CADPS: variants seen among roughly 807,000 people sequenced by gnomAD.
CADPS encodes the protein calcium-dependent secretion activator 1.
CADPS carries 57 observed loss-of-function variants against 167.3 expected under a neutral mutation model. That is an observed-to-expected ratio of 0.34 (90% CI 0.28 to 0.42). The LOEUF (loss-of-function observed/expected upper bound fraction) is 0.42. Ranked by LOEUF, CADPS falls within the 20% of genes least tolerant of loss-of-function variation. The probability of loss-of-function intolerance (pLI) is 1.00; values close to 1 mark genes in which losing one functional copy is unlikely to be tolerated. For synonymous variants in CADPS, 676 were observed against 635.3 expected (o/e 1.06, Z -0.96); for missense variants, 1,414 against 1,738.1 (o/e 0.81, Z 3.32).
At chr3:62,716,206 C>A (rs1513139) in intron 3 of CADPS, among the ~76,000 whole-genome samples, 57,329 of 151,820 alleles carry the variant, frequency 0.38, 12,500 homozygotes, top group East Asian at 0.74. Flanking sequence ...ACTACAGGCA[C>A]TTGCCACCAG....
intron 3 of CADPS, among the ~76,000 whole-genome samples, chr3:62,747,027 AG>A (rs2081609260): frequency 6.6e-6 from 1 of 152,248 alleles, no homozygotes; most frequent in Non-Finnish European, 1.5e-5. Flanking sequence ...GTGAACAAAG[AG>A]GACAATTAGT....
chr3:62,773,125 T>G (rs2089353154), intron 1 of CADPS, among the ~76,000 whole-genome samples: 1 of 152,066 alleles, frequency 6.6e-6, no homozygotes. Flanking sequence ...AATGTTTATT[T>G]AATTTCTTTT....
intron 3 of CADPS, among the ~76,000 whole-genome samples, chr3:62,692,682 C>G (rs908461398): frequency 1.3e-5 from 2 of 152,038 alleles, no homozygotes; most frequent in Non-Finnish European, 2.9e-5. Context: ...CATTACCTGC[C>G]AAGATGGTAA....
intron 6 of CADPS, among the ~76,000 whole-genome samples, chr3:62,621,777 T>A (rs1227493077): frequency 6.6e-6 from 1 of 151,996 alleles, no homozygotes; most frequent in African/African-American, 2.4e-5. Context: ...TGTGCGTTAT[T>A]CCCCTCTATA....
intron 26 of CADPS, among the ~76,000 whole-genome samples, chr3:62,460,108 TTAA>T (rs1560664429): frequency 6.6e-6 from 1 of 152,202 alleles, no homozygotes; most frequent in Non-Finnish European, 1.5e-5. Flanking sequence ...GGGTAGAGTC[TTAA>T]TAACTATGCG....
intron 3 of CADPS, among the ~76,000 whole-genome samples, chr3:62,719,504 T>C (rs1407411710): frequency 6.6e-6 from 1 of 152,234 alleles, no homozygotes; most frequent in African/African-American, 2.4e-5. Flanking sequence ...TGGTGTGATA[T>C]TTAAATTAAC....
intron 6 of CADPS, among the ~76,000 whole-genome samples, chr3:62,632,275 T>C (rs925728130): frequency 2.6e-5 from 4 of 152,170 alleles, no homozygotes; most frequent in Non-Finnish European, 5.9e-5. Context: ...ATGAGTAATA[T>C]TTAATTTTTC....
intron 21 of CADPS, among the ~76,000 whole-genome samples, chr3:62,484,143 T>C (rs763234497): frequency 6.6e-6 from 1 of 152,158 alleles, no homozygotes; most frequent in Non-Finnish European, 1.5e-5. Flanking sequence ...ATAGAAACAT[T>C]TCCTTCTCTT....
intron 1 of CADPS, among the ~76,000 whole-genome samples, chr3:62,860,320 C>T (rs994636948): frequency 5.9e-5 from 9 of 152,234 alleles, no homozygotes; most frequent in African/African-American, 1.7e-4. Context: ...TGAATCTTAC[C>T]GTAAACCAAA....
intron 6 of CADPS, among the ~76,000 whole-genome samples, chr3:62,643,622 A>T (rs1354786691): frequency 6.6e-6 from 1 of 152,216 alleles, no homozygotes; most frequent in Non-Finnish European, 1.5e-5. Context: ...TCAACTCATG[A>T]TTTACCCTGG....
intron 1 of CADPS, among the ~76,000 whole-genome samples, chr3:62,857,246 A>G (rs772481070): frequency 3.3e-5 from 5 of 152,140 alleles, no homozygotes; most frequent in Admixed American, 2.0e-4. Context: ...AAAATAACGC[A>G]TCGAGTTGGC....
At chr3:62,637,986 C>G (rs1330045933) in intron 6 of CADPS, among the ~76,000 whole-genome samples, 1 of 151,790 alleles carries the variant, frequency 6.6e-6, no homozygotes, top group Non-Finnish European at 1.5e-5. Flanking sequence ...CCTTGTTTTC[C>G]CCCATGTCCC....
chr3:62,763,964 T>C (rs2086201274), intron 2 of CADPS, among the ~76,000 whole-genome samples: 1 of 152,222 alleles, frequency 6.6e-6, no homozygotes, highest in African/African-American at 2.4e-5. Context: ...GTAATGGTAA[T>C]TTCCAGAGAC....
intron 7 of CADPS, among the ~76,000 whole-genome samples, chr3:62,587,606 G>A (rs548137458): frequency 3.3e-5 from 5 of 152,346 alleles, no homozygotes; most frequent in Admixed American, 6.5e-5. Flanking sequence ...GCTCCTGCCT[G>A]TTTGGCAAAA....
intron 26 of CADPS, among the ~76,000 whole-genome samples, chr3:62,448,630 G>A (rs145017027): frequency 1.3e-5 from 2 of 151,276 alleles, no homozygotes; most frequent in African/African-American, 4.9e-5. Context: ...TTGGGGGGGG[G>A]TGGTATGGAG....
intron 1 of CADPS, among the ~76,000 whole-genome samples, chr3:62,862,335 A>G (rs1414233104): frequency 6.6e-6 from 1 of 151,104 alleles, no homozygotes; most frequent in East Asian, 2.0e-4. Context: ...TTCTGCCTCA[A>G]CTTCCCGAGT....
At chr3:62,717,329 G>A (rs1294622807) in intron 3 of CADPS, among the ~76,000 whole-genome samples, 3 of 152,128 alleles carry the variant, frequency 2.0e-5, no homozygotes, top group African/African-American at 7.2e-5. Flanking sequence ...GTCCTGTGGT[G>A]TTTAGCATTT....
intron 3 of CADPS, among the ~76,000 whole-genome samples, chr3:62,696,127 A>T (rs1002342419): frequency 1.3e-5 from 2 of 152,018 alleles, no homozygotes; most frequent in Non-Finnish European, 2.9e-5. Context: ...CCACTAATTA[A>T]GTTACTCTCC....
At position 62,855,091 on chromosome 3, in the gene CADPS, A is replaced by ATTTTTTTTTTTTTTTTTTTTTTT. The variant is rs554197608; in HGVS notation, c.441+19497_441+19498insAAAAAAAAAAAAAAAAAAAAAAA. Among the ~76,000 whole-genome samples, 173 of 92,690 alleles carry ATTTTTTTTTTTTTTTTTTTTTTT rather than the reference A, an allele frequency of 1.9e-3. 3 individuals carry two copies. The highest frequency in any genetic ancestry group is 2.6e-3 in the Non-Finnish European group (117 of 45,526). 60.8% of individuals were successfully genotyped at this position (92,690 alleles called of 152,430 possible). On this transcript the variant is annotated intron_variant, in intron 1 of 29. Transcript: ENST00000383710. Reference sequence around the variant, plus strand: ...AGGCACGTGCCATCATGCCCGGCTAATTTTTTTTTTTTTTTTTTGTCTTTT... The same window carrying ATTTTTTTTTTTTTTTTTTTTTTT: ...AGGCACGTGCCATCATGCCCGGCTAATTTTTTTTTTTTTTTTTTTTTTTTTTTTTTTTTTTTTTTTTGTCTTTT...
Sources: allele counts gnomAD v4.1 joint callset (sites outside exome capture counted in the v4.1 genomes callset), GRCh38; gene constraint gnomAD v4.1.1; transcripts MANE v1.5; gene names NCBI Gene and HGNC (gene_info 2026-07-23, HGNC 2026-07-21).